The following SEMA5B variants were observed in gnomAD, a reference collection of about 807,000 sequenced individuals.
The protein encoded by SEMA5B is semaphorin-5B.
SEMA5B carries 66 observed loss-of-function variants against 135.0 expected under a neutral mutation model. The ratio of observed to expected loss-of-function variants is 0.49; its 90% CI spans 0.40 to 0.60. The LOEUF is 0.60. Ranked by LOEUF, SEMA5B falls within the 20% of genes least tolerant of loss-of-function variation. SEMA5B has a pLI of 0.00. For synonymous variants in SEMA5B, 690 were observed against 639.5 expected, an observed-to-expected ratio of 1.08 and a Z score of -1.19; for missense variants, 1,501 against 1,566.3, an observed-to-expected ratio of 0.96 and a Z score of 0.70.
At chr3:122,994,413 T>A (rs1453220765) in intron 1 of SEMA5B, among the ~76,000 whole-genome samples, 1 of 152,210 alleles carries the variant, frequency 6.6e-6, no homozygotes, top group Non-Finnish European at 1.5e-5. Flanking sequence ...TTATAGTGGT[T>A]CTCAACGAGT....
At chr3:122,916,447 G>A (rs1938081515) in intron 12 of SEMA5B, among the ~76,000 whole-genome samples, 1 of 152,172 alleles carries the variant, frequency 6.6e-6, no homozygotes, top group African/African-American at 2.4e-5. Flanking sequence ...CACTCTCTAG[G>A]GGCGAAGTAG....
chr3:123,010,653 A>G (rs1019597610), intron 1 of SEMA5B, among the ~76,000 whole-genome samples: 1 of 151,936 alleles, frequency 6.6e-6, no homozygotes, highest in Non-Finnish European at 1.5e-5. Flanking sequence ...TACTAAAAAT[A>G]CAAAAAATTA....
intron 10 of SEMA5B, among the ~76,000 whole-genome samples, chr3:122,923,401 G>C (rs953749737): frequency 1.3e-5 from 2 of 152,152 alleles, no homozygotes; most frequent in Non-Finnish European, 1.5e-5. Flanking sequence ...GAGATGGCTC[G>C]GAGCATGCTT....
intron 1 of SEMA5B, among the ~76,000 whole-genome samples, chr3:123,018,103 T>C (rs973069041): frequency 1.3e-5 from 2 of 152,090 alleles, no homozygotes; most frequent in Non-Finnish European, 2.9e-5. Context: ...GGAAAGGAAG[T>C]GGTGTTCCAG....
intron 21 of SEMA5B, 36 bp from the exon 22 acceptor site, chr3:122,911,081 A>G: frequency 6.5e-7 from 1 of 1,544,856 alleles, no homozygotes; most frequent in Non-Finnish European, 8.9e-7. Flanking sequence ...GATGAGGGCC[A>G]CTGTGAAGAG....
At chr3:122,956,642 A>G (rs1449397594) in intron 2 of SEMA5B, among the ~76,000 whole-genome samples, 1 of 152,070 alleles carries the variant, frequency 6.6e-6, no homozygotes, top group African/African-American at 2.4e-5. Context: ...CAGTCTCCCA[A>G]CAGGTGCCCC....
chr3:122,919,433 G>A (rs1278852978), intron 12 of SEMA5B, among the ~76,000 whole-genome samples: 1 of 152,168 alleles, frequency 6.6e-6, no homozygotes, highest in African/African-American at 2.4e-5. Context: ...GAGGTGCCCC[G>A]TGGGGCTGAG....
rs1939898074 is a variant in SEMA5B, at chr3:122,948,576, A to C, written c.258T>G (p.Asp86Glu). 6.2e-7 allele frequency: 1 copy of C among 1,613,884 alleles called. No homozygotes were observed. Among genetic ancestry groups the C allele is most frequent in the Non-Finnish European group, 8.5e-7 (1 of 1,179,910 alleles). The change falls in exon 3 of 23, where the codon GAT becomes GAG. Residue 86 changes from aspartate to glutamate, a missense_variant. Asp to Glu is a conservative substitution (Grantham distance 45, BLOSUM62 2). Coordinates refer to ENST00000357599, the MANE Select transcript of SEMA5B (RefSeq NM_001031702.4). ...GCTCACTGCTGGGCTCACTGGAGAC[A>C]TCCTGGGAGCTGGAGAGGTGGGACA... ...LLVSHLSSSQ[D>E]VSSEPSSEQQ...
At chr3:122,944,406 T>G (rs1343354447) in intron 3 of SEMA5B, among the ~76,000 whole-genome samples, 4 of 152,202 alleles carry the variant, frequency 2.6e-5, no homozygotes, top group Non-Finnish European at 4.4e-5. Context: ...GTCTTCTACT[T>G]TACTGCCACA....
chr3:122,939,343 G>T, intron 5 of SEMA5B, 82 bp downstream of exon 5: 1 of 1,121,840 alleles, frequency 8.9e-7, no homozygotes, highest in Non-Finnish European at 1.4e-6. Context: ...GCTGAATTCT[G>T]AATGGCGCCA....
Position 122,997,952 on chromosome 3 carries a change from C to G in SEMA5B, c.-39+29512G>C, listed in dbSNP as rs1428310899. ...TATCACCCCTTCTCTTCCTCACGCC[C>G]CCACTTTAGGGCATTCCCAGCTTGA... On this transcript the variant is annotated intron_variant, in intron 1 of 22. Coordinates refer to ENST00000357599, the MANE Select transcript of SEMA5B (RefSeq NM_001031702.4). Among the ~76,000 whole-genome samples the G allele has an allele frequency of 3.3e-5, 5 of 152,174 alleles. 1 individual carries two copies. The highest frequency in any genetic ancestry group is 4.1e-4 in the South Asian group (2 of 4,830).
intron 1 of SEMA5B, among the ~76,000 whole-genome samples, chr3:122,965,624 T>C (rs1328258395): frequency 3.3e-5 from 5 of 152,250 alleles, no homozygotes; most frequent in Non-Finnish European, 7.3e-5. Flanking sequence ...CCGAAACCTC[T>C]TGTGAAGTGA....
rs1360867203 is a variant in SEMA5B, at chr3:122,912,988, G to A, written c.2580C>T (p.Gly860=). 6.2e-7 allele frequency: 1 copy of A among 1,608,656 alleles called. No individual in the cohort carries two copies. The highest frequency in any genetic ancestry group is 1.3e-5 in the African/African-American group (1 of 74,902). Residue 860 remains glycine, a synonymous_variant, in exon 18 of 23, where the codon GGC becomes GGT. Coordinates refer to ENST00000357599, the MANE Select transcript of SEMA5B (RefSeq NM_001031702.4). Reference sequence around the variant, plus strand: ...AGTCCCGGGAGCAGGACGACCACGGGCCCCAGGCGGCCCAGCCCCCGCTCA... The same window carrying A: ...AGTCCCGGGAGCAGGACGACCACGGACCCCAGGCGGCCCAGCCCCCGCTCA... The part of the protein sequence containing the change: ...HTVSGGWAAW[G]PWSSCSRDCE...
rs905784038 is a variant in SEMA5B, at chr3:123,027,503, C to T, written c.-78G>A. On this transcript the variant is annotated 5_prime_UTR_variant, in exon 1 of 23. Transcript: ENST00000357599. ...TGCAGGTGCCCGGTTCCCCGCGGCT[C>T]CCGACTCCCGGGCGGCGCGGAGCGG... is the stretch of plus-strand genomic sequence containing the variant. 2 of 152,162 alleles carry T rather than the reference C, an allele frequency of 1.3e-5. No homozygotes were observed. Among genetic ancestry groups the T allele is most frequent in the Non-Finnish European group, 2.9e-5 (2 of 68,040 alleles). The allele number at this position is 152,162 out of a possible 1,614,324, so 9.4% of individuals were successfully genotyped here.
intron 2 of SEMA5B, among the ~76,000 whole-genome samples, chr3:122,949,730 G>A (rs957880059): frequency 1.3e-5 from 2 of 152,066 alleles, no homozygotes; most frequent in African/African-American, 2.4e-5. Context: ...GTATTTTTCA[G>A]ACCCTGCATT....
chr3:122,913,150 C>T (rs1937845369), intron 17 of SEMA5B, 49 bp downstream of exon 17: 2 of 1,464,072 alleles, frequency 1.4e-6, no homozygotes, highest in South Asian at 1.4e-5. Flanking sequence ...CCGCCCTCAC[C>T]GCTCCGGGGC....
intron 2 of SEMA5B, among the ~76,000 whole-genome samples, chr3:122,954,534 TC>T (rs1198697092): frequency 6.6e-6 from 1 of 152,206 alleles, no homozygotes; most frequent in Non-Finnish European, 1.5e-5. Flanking sequence ...CCTGCCCTGC[TC>T]AAAACTTTTC....
intron 1 of SEMA5B, among the ~76,000 whole-genome samples, chr3:122,993,840 T>C (rs756542249): frequency 1.3e-5 from 2 of 151,274 alleles, no homozygotes; most frequent in East Asian, 2.0e-4. Flanking sequence ...CTGAATACTC[T>C]TGGGGAACAA....
intron 3 of SEMA5B, among the ~76,000 whole-genome samples, chr3:122,944,492 C>T (rs1215573452): frequency 6.6e-6 from 1 of 152,200 alleles, no homozygotes. Flanking sequence ...CTCAGTCCAG[C>T]ACCTAGCAGT....
Sources: gnomAD v4.1 joint callset for allele counts (sites outside exome capture counted in the v4.1 genomes callset) on GRCh38, gnomAD v4.1.1 for gene constraint, MANE v1.5 for transcripts, NCBI Gene and HGNC (gene_info 2026-07-23, HGNC 2026-07-21) for gene names.